STK26: variants seen among roughly 807,000 people sequenced by gnomAD.
STK26 encodes the protein serine/threonine-protein kinase 26.
STK26 carries 14 observed loss-of-function variants against 34.7 expected under a neutral mutation model. The ratio of observed to expected loss-of-function variants is 0.40; its 90% confidence interval spans 0.27 to 0.63. STK26 has a LOEUF of 0.63. Among genes scored for constraint, STK26 ranks in the 30% least tolerant of loss-of-function variants. The pLI is 0.38. For synonymous variants in STK26, 100 were observed against 109.8 expected (o/e 0.91, Z 0.56); for missense variants, 226 against 309.1 (o/e 0.73, Z 2.02).
At chrX:132,058,254 A>ATGTG (rs754196913) in intron 3 of STK26, among the ~76,000 whole-genome samples, 8,428 of 102,963 alleles carry the variant, frequency 0.082, 901 homozygotes, top group African/African-American at 0.28. Context: ...GTGTGTGTGT[A>ATGTG]TGTGTGTGTG....
intron 2 of STK26, among the ~76,000 whole-genome samples, chrX:132,044,076 A>T (rs897157790): frequency 1.1e-4 from 12 of 111,691 alleles, no homozygotes; most frequent in African/African-American, 3.6e-4. Flanking sequence ...CAAGTTGCAA[A>T]TGAAAAGATA....
chrX:132,073,112 T>A lies in STK26; in HGVS notation c.1226+19T>A. ...TTCAAAAGTAAGTTGGAAATGTCAT[T>A]TTAAAAATTATTTTGCATTTTCTGT... On this transcript the variant is annotated intron_variant, in intron 11 of 11. Coordinates refer to ENST00000394334, the MANE Select transcript of STK26 (RefSeq NM_016542.4). The A allele has an allele frequency of 8.5e-7, 1 of 1,170,365 alleles. No homozygotes were observed. Among genetic ancestry groups the A allele is most frequent in the Non-Finnish European group, 1.1e-6 (1 of 871,306 alleles).
intron 6 of STK26, among the ~76,000 whole-genome samples, 183 bp downstream of exon 6, chrX:132,068,752 C>T (rs1165218560): frequency 9.0e-6 from 1 of 111,696 alleles, no homozygotes; most frequent in Non-Finnish European, 1.9e-5. Flanking sequence ...GGACCCTATT[C>T]ACTTCAATGG....
intron 2 of STK26, among the ~76,000 whole-genome samples, chrX:132,036,230 C>T (rs5933052): frequency 1.2e-4 from 14 of 112,465 alleles, no homozygotes; most frequent in African/African-American, 6.5e-5. Flanking sequence ...CCAACAAAAA[C>T]GAATCCATCC....
intron 2 of STK26, among the ~76,000 whole-genome samples, chrX:132,029,294 A>T (rs1925736300): frequency 8.9e-6 from 1 of 112,019 alleles, no homozygotes; most frequent in Non-Finnish European, 1.9e-5. Context: ...TCTGCTTTTC[A>T]TATTCAGTGA....
chrX:132,036,332 C>T (rs965660009), intron 2 of STK26, among the ~76,000 whole-genome samples: 5 of 112,602 alleles, frequency 4.4e-5, no homozygotes, highest in African/African-American at 1.3e-4. Context: ...CCGTGGCTCA[C>T]GCCTGTAATC....
At chrX:132,032,642 T>C (rs1569326611) in intron 2 of STK26, among the ~76,000 whole-genome samples, 1 of 111,825 alleles carries the variant, frequency 8.9e-6, no homozygotes, top group East Asian at 2.8e-4. Flanking sequence ...AGGACTGAAA[T>C]GCATTGAGTT....
chrX:132,059,303 A>G (rs1170269575), intron 3 of STK26, among the ~76,000 whole-genome samples: 1 of 112,187 alleles, frequency 8.9e-6, no homozygotes, highest in East Asian at 2.8e-4. Flanking sequence ...GTCATCCATA[A>G]CTAAGACCTC....
rs754919199 is a variant in STK26, at chrX:132,072,365, T to C, written c.1026+4T>C. 8.5e-7 allele frequency: 1 copy of C among 1,173,787 alleles called. No individual in the cohort carries two copies. Among genetic ancestry groups the C allele is most frequent in the Non-Finnish European group, 1.2e-6 (1 of 862,178 alleles). ...AAAGAAAGTACAGAATGGGGCAGTATGTATATGGAGACAATTACTTACTCT... is the reference window on the plus strand; with the variant it reads ...AAAGAAAGTACAGAATGGGGCAGTACGTATATGGAGACAATTACTTACTCT... On this transcript the variant is annotated splice_donor_region_variant and intron_variant, in intron 9 of 11. Coordinates refer to ENST00000394334, the MANE Select transcript of STK26 (RefSeq NM_016542.4).
At chrX:132,059,172 CTG>C (rs1340360845) in intron 3 of STK26, among the ~76,000 whole-genome samples, 5 of 111,463 alleles carry the variant, frequency 4.5e-5, no homozygotes, top group Admixed American at 1.9e-4. Context: ...CATCAGGGAA[CTG>C]TGTTATCAGT....
At chrX:132,055,770 C>T (rs894273014) in intron 3 of STK26, among the ~76,000 whole-genome samples, 3 of 111,756 alleles carry the variant, frequency 2.7e-5, no homozygotes, top group Non-Finnish European at 5.6e-5. Context: ...ATCTATAGGC[C>T]AAAAAGAGCG....
chrX:132,069,435 ATATATATATATATATATT>A (rs1300462224), intron 6 of STK26, 25 bp from the exon 7 acceptor site: 3 of 134,896 alleles, frequency 2.2e-5, no homozygotes, highest in African/African-American at 8.7e-5. Context: ...ATATATATAT[ATATATATATATATATATT>A]ATTTTCTTTT....
chrX:132,061,565 T>G (rs1452423455), intron 3 of STK26, among the ~76,000 whole-genome samples: 1 of 112,049 alleles, frequency 8.9e-6, no homozygotes, highest in Non-Finnish European at 1.9e-5. Flanking sequence ...GAGGAAGTGG[T>G]AGGGGAATAT....
At chrX:132,068,125 A>G in intron 4 of STK26, 90 bp from the exon 5 acceptor site, 1 of 676,990 alleles carries the variant, frequency 1.5e-6, no homozygotes, top group Non-Finnish European at 2.2e-6. Context: ...TGTCTAAGTG[A>G]TTTCTTCATT....
At chrX:132,046,410 C>T (rs947407076) in intron 2 of STK26, among the ~76,000 whole-genome samples, 1 of 111,667 alleles carries the variant, frequency 9.0e-6, no homozygotes, top group African/African-American at 3.3e-5. Context: ...GTTATTCATA[C>T]GCTATGTCAA....
rs1384972857 is a variant in STK26 at position 132,057,100 on chromosome X, C to T, written c.273+2239C>T. Among the ~76,000 whole-genome samples the T allele has an allele frequency of 8.0e-5, 9 of 112,200 alleles. No homozygotes were observed. The South Asian group carries it at 1.9e-3, about 23-fold the overall frequency. On this transcript the variant is annotated intron_variant, in intron 3 of 11. Transcript: ENST00000394334. ...GAGGTATGGTTGAGCTCAGTGAAGA[C>T]GCAGAATCTGGGTCTGGAGTGTGGG... is the stretch of plus-strand genomic sequence containing the variant.
chrX:132,067,873 G>C (rs770184729), intron 4 of STK26, among the ~76,000 whole-genome samples: 163 of 111,255 alleles, frequency 1.5e-3, no homozygotes, highest in South Asian at 1.9e-3. Flanking sequence ...TCCATCTAAA[G>C]AACAGATAGT....
chrX:132,034,296 T>A (rs1024843558), intron 2 of STK26, among the ~76,000 whole-genome samples: 2 of 20,976 alleles, frequency 9.5e-5, no homozygotes, highest in African/African-American at 4.5e-4. Flanking sequence ...TTTATTCTTT[T>A]TTTTTTTTTT....
At chrX:132,027,066 G>A (rs1049618938) in intron 2 of STK26, among the ~76,000 whole-genome samples, 26 of 111,896 alleles carry the variant, frequency 2.3e-4, no homozygotes, top group African/African-American at 8.5e-4. Flanking sequence ...ATCAAATAAT[G>A]CAAAATCTGT....
Sources: gnomAD v4.1 joint callset for allele counts (sites outside exome capture counted in the v4.1 genomes callset) on GRCh38, gnomAD v4.1.1 for gene constraint, MANE v1.5 for transcripts, NCBI Gene and HGNC (gene_info 2026-07-23, HGNC 2026-07-21) for gene names.